The following SPRR1A variants were observed in gnomAD, a reference collection of about 807,000 sequenced individuals.
SPRR1A encodes the protein cornifin-A.
For missense variants in SPRR1A, 123 were observed against 105.4 expected, an observed-to-expected ratio of 1.17 and a Z score of -0.73; for synonymous variants, 40 against 39.2, an observed-to-expected ratio of 1.02 and a Z score of -0.07.
chr1:152,985,145 C>T, upstream of SPRR1A: 2 of 1,511,274 alleles, frequency 1.3e-6, no homozygotes, highest in South Asian at 1.3e-5. Context: ...GAAATAAAAT[C>T]TGTTTGGCAT....
upstream of SPRR1A, among the ~76,000 whole-genome samples, chr1:152,985,014 G>C (rs1188689776): frequency 6.6e-6 from 1 of 152,138 alleles, no homozygotes; most frequent in African/African-American, 2.4e-5. Context: ...AAATGGAGCA[G>C]AAGAAATTGC....
At chr1:152,985,211 G>GA (rs745793334), upstream of SPRR1A, 213 of 1,576,542 alleles carry the variant, frequency 1.4e-4, 1 homozygote, top group Admixed American at 1.9e-4. Flanking sequence ...TCTGTCTCTA[G>GA]AAAAAAACAC....
chr1:152,984,827 C>T (rs180821835), upstream of SPRR1A, among the ~76,000 whole-genome samples: 173 of 152,198 alleles, frequency 1.1e-3, no homozygotes, highest in African/African-American at 4.0e-3. Flanking sequence ...TAAAGCCATC[C>T]TATAAGTCAC....
chr1:152,984,661 T>A (rs1181719848), upstream of SPRR1A, among the ~76,000 whole-genome samples: 5 of 152,038 alleles, frequency 3.3e-5, no homozygotes, highest in African/African-American at 1.2e-4. Flanking sequence ...CTGTGCACTT[T>A]TGGGAGACCT....
chr1:152,985,546 AAC>A, downstream of SPRR1A: 1 of 1,578,660 alleles, frequency 6.3e-7, no homozygotes, highest in South Asian at 1.2e-5. Context: ...CTGGATACTG[AAC>A]ACCCTACTCC....
chr1:152,985,389 G>A lies in SPRR1A; in HGVS notation c.159G>A (p.Val53=), dbSNP rs373551317. 13 of 1,566,176 alleles carry A rather than the reference G, an allele frequency of 8.3e-6. No homozygotes were observed. In the African/African-American group the frequency reaches 1.3e-4, roughly 16 times the overall value. The stretch of plus-strand genomic sequence containing the variant: ...TGCCTGAGCCCTGCCACCCCAAAGT[G>A]CCTGAGCCCTGCCAGCCCAAGGTTC... The change falls in exon 1 of 1, where the codon GTG becomes GTA. Residue 53 remains valine (V), a synonymous_variant. Coordinates refer to ENST00000368762, the Ensembl canonical transcript of SPRR1A.
At chr1:152,985,205 T>C (rs750268254), upstream of SPRR1A, 11 of 1,569,010 alleles carry the variant, frequency 7.0e-6, no homozygotes, top group South Asian at 1.2e-4. Context: ...CAGCTTTCTG[T>C]CTCTAGAAAA....
At chr1:152,985,200 T>C (rs1448208242), upstream of SPRR1A, 1 of 1,565,440 alleles carries the variant, frequency 6.4e-7, no homozygotes, top group African/African-American at 1.4e-5. Flanking sequence ...TGTGTCAGCT[T>C]TCTGTCTCTA....
chr1:152,984,754 A>G (rs1043657964), upstream of SPRR1A, among the ~76,000 whole-genome samples: 2 of 152,012 alleles, frequency 1.3e-5, no homozygotes, highest in Non-Finnish European at 1.5e-5. Context: ...TGGGAAGAAA[A>G]GCATTTGGAA....
At chr1:152,985,457 C>G (rs151244576) in exon 1 of SPRR1A, 1 of 1,613,790 alleles carries the variant, frequency 6.2e-7, no homozygotes, top group African/African-American at 1.3e-5. Context: ...TGCCCTTCAA[C>G]GGTCACTCCA....
At chr1:152,985,278 T>C (rs775680887) in exon 1 of SPRR1A, 2 of 1,613,538 alleles carry the variant, frequency 1.2e-6, no homozygotes, top group Non-Finnish European at 1.7e-6. Context: ...CCCCTCAGCC[T>C]CAGCAGCAGC....
At chr1:152,984,965 G>T (rs1652263064), upstream of SPRR1A, among the ~76,000 whole-genome samples, 1 of 152,140 alleles carries the variant, frequency 6.6e-6, no homozygotes, top group Non-Finnish European at 1.5e-5. Context: ...GATATAAGTT[G>T]CCTTGGGTAG....
At chr1:152,984,623 T>C (rs1652252460), upstream of SPRR1A, among the ~76,000 whole-genome samples, 1 of 152,118 alleles carries the variant, frequency 6.6e-6, no homozygotes, top group Non-Finnish European at 1.5e-5. Flanking sequence ...AGATAGTAAT[T>C]GGCATGACGG....
upstream of SPRR1A, among the ~76,000 whole-genome samples, chr1:152,984,083 C>A (rs372386487): frequency 6.6e-6 from 1 of 152,110 alleles, no homozygotes; most frequent in Non-Finnish European, 1.5e-5. Flanking sequence ...GCCTTCACAC[C>A]AAACCCAAGG....
chr1:152,985,312 C>G, exon 1 of SPRR1A: 1 of 1,613,964 alleles, frequency 6.2e-7, no homozygotes. Flanking sequence ...TTGCCAGCCT[C>G]CACCCCAGGA....
chr1:152,984,536 G>A (rs181599504), upstream of SPRR1A, among the ~76,000 whole-genome samples: 29 of 152,262 alleles, frequency 1.9e-4, no homozygotes, highest in East Asian at 5.4e-3. Context: ...ACAAATCAAT[G>A]CCTAACGTAC....
upstream of SPRR1A, chr1:152,985,114 C>G: frequency 7.1e-7 from 1 of 1,402,984 alleles, no homozygotes; most frequent in Non-Finnish European, 9.6e-7. Context: ...AGATGAAAGG[C>G]TTTCTCTTCT....
chr1:152,984,228 A>G (rs924576541), upstream of SPRR1A, among the ~76,000 whole-genome samples: 4 of 152,180 alleles, frequency 2.6e-5, no homozygotes, highest in Non-Finnish European at 4.4e-5. Context: ...CAGGGTTTCA[A>G]TGGGAGATAG....
rs558354017 is a variant in SPRR1A at position 152,985,301 on chromosome 1, C to A, written c.71C>A (p.Pro24His). ...CCTCAGCAGCAGCAGGTGAAACAACCTTGCCAGCCTCCACCCCAGGAACCA... is the reference window on the plus strand; with the variant it reads ...CCTCAGCAGCAGCAGGTGAAACAACATTGCCAGCCTCCACCCCAGGAACCA... The change falls in exon 1 of 1, where the codon CCT (proline) becomes CAT (histidine). Residue 24 changes from proline (P) to histidine (H), a missense_variant. By Grantham distance (77) the Pro-to-His change is moderately conservative. Coordinates refer to ENST00000368762, the Ensembl canonical transcript of SPRR1A. The A allele has an allele frequency of 2.1e-5, 34 of 1,613,816 alleles. No individual in the cohort carries two copies. In the Admixed American group the frequency reaches 5.5e-4, roughly 26 times the overall value.
Sources: gnomAD v4.1 joint callset for allele counts (sites outside exome capture counted in the v4.1 genomes callset) on GRCh38, gnomAD v4.1.1 for gene constraint, MANE v1.5 for transcripts, NCBI Gene and HGNC (gene_info 2026-07-23, HGNC 2026-07-21) for gene names.